PLEKHH3: variants seen among roughly 807,000 people sequenced by gnomAD.
PLEKHH3 encodes the protein pleckstrin homology domain-containing family H member 3.
In PLEKHH3, 57 loss-of-function variants were observed where a neutral mutation model predicts 77.8. The ratio of observed to expected loss-of-function variants is 0.73; its 90% CI spans 0.59 to 0.91. The LOEUF (loss-of-function observed/expected upper bound fraction) is 0.91. Among genes scored for constraint, PLEKHH3 ranks in the 40% least tolerant of loss-of-function variants. The pLI is 0.00. For missense variants in PLEKHH3, 1,082 were observed against 1,091.2 expected, an observed-to-expected ratio of 0.99 and a Z score of 0.12; for synonymous variants, 467 against 504.8, an observed-to-expected ratio of 0.93 and a Z score of 1.00.
In PLEKHH3 at chr17:42,669,954, G is replaced by A. The variant is rs762924915; in HGVS notation, c.1977C>T (p.Phe659=). Residue 659 remains phenylalanine, a synonymous_variant, in exon 11 of 13, where the codon TTC becomes TTT. Coordinates refer to ENST00000591022, the MANE Select transcript of PLEKHH3 (RefSeq NM_024927.5). ...YLALAAQCPG[F]GAARYDVLEL... is the part of the protein sequence containing the mutation. ...CCAGAACGTCATACCGAGCAGCGCC[G>A]AACCCCGGACACTGCGCCGCCAGGG... 15 of 1,613,024 alleles carry A rather than the reference G, an allele frequency of 9.3e-6. No individual in the cohort carries two copies. The highest frequency in any genetic ancestry group is 6.6e-5 in the South Asian group (6 of 91,056).
At chr17:42,672,941 AC>A (rs2052734520) in intron 6 of PLEKHH3, among the ~76,000 whole-genome samples, 1 of 152,148 alleles carries the variant, frequency 6.6e-6, no homozygotes, top group Non-Finnish European at 1.5e-5. Context: ...TCCTGAAGGA[AC>A]ATCAGTAGTC....
chr17:42,673,588 A>G, intron 4 of PLEKHH3, 32 bp from the exon 5 acceptor site: 1 of 1,589,834 alleles, frequency 6.3e-7, no homozygotes. Flanking sequence ...GAGGGCCATT[A>G]GGGTCTGCCG....
chr17:42,676,260 G>T lies in PLEKHH3; in HGVS notation c.162+142C>A. The T allele has an allele frequency of 6.9e-7, 1 of 1,438,950 alleles. No homozygotes were observed. Among genetic ancestry groups the T allele is most frequent in the Non-Finnish European group, 9.2e-7 (1 of 1,090,182 alleles). The allele number at this position is 1,438,950 out of a possible 1,614,324, so 89.1% of individuals were successfully genotyped here. Reference sequence around the variant, plus strand: ...GCTGCTGCTCCGAGAGCTCCCGGGGGCTTTGGCCCCCAGGCAAAAAACTCT... The same window carrying T: ...GCTGCTGCTCCGAGAGCTCCCGGGGTCTTTGGCCCCCAGGCAAAAAACTCT... On this transcript the variant is annotated intron_variant, in intron 1 of 12. Transcript: ENST00000591022. This position sits in a 1 kb window ranked among gnomAD's most constrained non-coding sequence, Gnocchi z 6.6.
At position 42,672,317 on chromosome 17, in the gene PLEKHH3, C is replaced by T. The variant is rs1347510962; in HGVS notation, c.845G>A (p.Arg282His). Reference sequence around the variant, plus strand: ...CACACCCTGCATCAAGGGCCCGGGGCGCCGCGCCCCCTCCAGCGCCTGCAG... The same window carrying T: ...CACACCCTGCATCAAGGGCCCGGGGTGCCGCGCCCCCTCCAGCGCCTGCAG... ...LALQALEGAR[R>H]PGPLMQGVLQ... Residue 282 changes from arginine to histidine, a missense_variant, in exon 7 of 13, where the codon CGC becomes CAC. Around this residue, in one of 3 missense-constraint regions of PLEKHH3, gnomAD observed 733 missense variants for 750.0 expected, o/e 0.98. Coordinates refer to ENST00000591022, the MANE Select transcript of PLEKHH3 (RefSeq NM_024927.5). The T allele has an allele frequency of 6.5e-7, 1 of 1,548,254 alleles. No homozygotes were observed. The highest frequency in any genetic ancestry group is 1.2e-5 in the South Asian group (1 of 83,960).
intron 6 of PLEKHH3, 133 bp downstream of exon 6, chr17:42,673,043 C>T (rs1167467715): frequency 1.6e-6 from 2 of 1,284,480 alleles, no homozygotes; most frequent in Non-Finnish European, 2.0e-6. Context: ...CCAGTTTCAC[C>T]TTCATCCTTC....
In PLEKHH3 at chr17:42,671,402, C is replaced by A. The variant is rs1414941818; in HGVS notation, c.1233G>T (p.Pro411=). 1 of 1,613,136 alleles carries A rather than the reference C, an allele frequency of 6.2e-7. No individual in the cohort carries two copies. Among genetic ancestry groups the A allele is most frequent in the African/African-American group, 1.3e-5 (1 of 75,060 alleles). Residue 411 remains proline, a synonymous_variant, in exon 8 of 13, where the codon CCG becomes CCT. Coordinates refer to ENST00000591022, the MANE Select transcript of PLEKHH3 (RefSeq NM_024927.5). The surrounding 1 kb of genome is among the most constrained non-coding windows in gnomAD (Gnocchi z 4.7). The stretch of plus-strand genomic sequence containing the variant: ...TGGCCACAGCACAGGCACCAGCCCC[C>A]GGACAGTGCACGGTACACAGCAGCT... ...RQELLCTVHC[P]GAGACAVAID... is the part of the protein sequence containing the mutation.
Position 42,674,675 on chromosome 17 carries a change from T to C in PLEKHH3, c.163-266A>G, listed in dbSNP as rs528122817. 1.5e-4 allele frequency: 59 copies of C among 381,602 alleles called. 1 individual carries two copies. Among genetic ancestry groups the C allele is most frequent in the South Asian group, 1.0e-3 (8 of 7,936 alleles). 23.6% of individuals were successfully genotyped at this position (381,602 alleles called of 1,614,324 possible). A position where few individuals can be genotyped will look rare whatever the true frequency, so the allele number is the denominator to read the frequency against. On this transcript the variant is annotated intron_variant, in intron 1 of 12. Transcript: ENST00000591022. ...AAATACAATCAGGGGTAGGGTAGGG[T>C]GGAAAGAGCACTGGGCAGAGAGTCA...
Position 42,671,055 on chromosome 17 carries a change from C to G in PLEKHH3, c.1360G>C (p.Ala454Pro), listed in dbSNP as rs201650387. The part of the protein sequence containing the change: ...NAFALYEQRG[A>P]QERALAGGTL... ...CCCCCAGCCAGGGCTCGCTCCTGGG[C>G]CCCTCGCTGCTCGTACAGCGCGAAT... The change falls in exon 9 of 13, where the codon GCC becomes CCC. Residue 454 changes from alanine to proline, a missense_variant. By Grantham distance (27) the Ala-to-Pro change is conservative (BLOSUM62 -1). Transcript: ENST00000591022. This position sits in a 1 kb window ranked among gnomAD's most constrained non-coding sequence, Gnocchi z 4.7. 3.3e-4 allele frequency: 535 copies of G among 1,610,032 alleles called. 2 individuals are homozygous for G. In the East Asian group the frequency reaches 0.011, roughly 33 times the overall value.
Position 42,669,659 on chromosome 17 carries a change from G to C in PLEKHH3, c.2014-38C>G, listed in dbSNP as rs201787150. ...AGGCAGAGTCAGGGTGGAAGGAGGA[G>C]CCCAGCGTTATTTTTGGTAGGGGGA... On this transcript the variant is annotated intron_variant, in intron 11 of 12. Coordinates refer to ENST00000591022, the MANE Select transcript of PLEKHH3 (RefSeq NM_024927.5). 12 of 1,575,692 alleles carry C rather than the reference G, an allele frequency of 7.6e-6. No individual in the cohort carries two copies. In the African/African-American group the frequency reaches 1.6e-4, roughly 21 times the overall value.
chr17:42,671,218 C>T lies in PLEKHH3; in HGVS notation c.1285-88G>A. On this transcript the variant is annotated intron_variant, in intron 8 of 12. Coordinates refer to ENST00000591022, the MANE Select transcript of PLEKHH3 (RefSeq NM_024927.5). This position sits in a 1 kb window ranked among gnomAD's most constrained non-coding sequence, Gnocchi z 4.7. ...TTCAATTGGAAGGGGTCTCTTAGTC[C>T]TGTCACCACCACTCCCTCCCTTACC... The T allele has an allele frequency of 6.6e-7, 1 of 1,522,340 alleles. No homozygotes were observed. Among genetic ancestry groups the T allele is most frequent in the African/African-American group, 1.4e-5 (1 of 72,550 alleles). The allele number at this position is 1,522,340 out of a possible 1,614,324, so 94.3% of individuals were successfully genotyped here. A position where few individuals can be genotyped will look rare whatever the true frequency, so the allele number is the denominator to read the frequency against.
chr17:42,676,434 G>A lies in PLEKHH3; in HGVS notation c.130C>T (p.Leu44=). 6.2e-7 allele frequency: 1 copy of A among 1,613,482 alleles called. No homozygotes were observed. Among genetic ancestry groups the A allele is most frequent in the African/African-American group, 1.3e-5 (1 of 75,070 alleles). The change falls in exon 1 of 13, where the codon CTG becomes TTG. Residue 44 remains leucine, a synonymous_variant. Transcript: ENST00000591022. This position sits in a 1 kb window ranked among gnomAD's most constrained non-coding sequence, Gnocchi z 6.6. ...DEDEDEETFE[L]RTPSPAGGGR... ...CCGCCCGCTGGACTCGGGGTCCGCA[G>A]CTCAAAGGTTTCCTCGTCCTCGTCC...
chr17:42,673,861 A>C, intron 3 of PLEKHH3, 27 bp from the exon 4 acceptor site: 1 of 1,607,070 alleles, frequency 6.2e-7, no homozygotes, highest in Non-Finnish European at 8.5e-7. Flanking sequence ...GAGGGAAGGG[A>C]CATCAGTAGA....
In PLEKHH3 at chr17:42,669,921, G is replaced by T; in HGVS notation, c.2010C>A (p.Ser670Arg). 2 of 1,613,582 alleles carry T rather than the reference G, an allele frequency of 1.2e-6. No individual in the cohort carries two copies. The highest frequency in any genetic ancestry group is 1.7e-6 in the Non-Finnish European group (2 of 1,179,916). ...GAARYDVLEL[S>R]TEPGRGAPQK... ...CCTTCTCCCTTCTCCCCCTCACCGT[G>T]CTCAGCTCCAGAACGTCATACCGAG... Residue 670 changes from serine (S) to arginine (R), a missense_variant, in exon 11 of 13, where the codon AGC becomes AGA. This residue lies in a region of PLEKHH3 where 733 missense variants were observed against 750.0 expected (regional missense o/e 0.98). Coordinates refer to ENST00000591022, the MANE Select transcript of PLEKHH3 (RefSeq NM_024927.5).
Position 42,669,435 on chromosome 17 carries a change from G to T in PLEKHH3, c.2200C>A (p.Pro734Thr). Residue 734 changes from proline to threonine, a missense_variant, in exon 12 of 13, where the codon CCC becomes ACC. Pro to Thr is a conservative substitution (Grantham distance 38). Around this residue, in one of 3 missense-constraint regions of PLEKHH3, gnomAD observed 733 missense variants for 750.0 expected, o/e 0.98. Coordinates refer to ENST00000591022, the MANE Select transcript of PLEKHH3 (RefSeq NM_024927.5). Reference sequence around the variant, plus strand: ...CAACTCCTCTTCTCACTCACCTGGGGGCTCTGCAGGAGGAGCTGGCTCTCT... The same window carrying T: ...CAACTCCTCTTCTCACTCACCTGGGTGCTCTGCAGGAGGAGCTGGCTCTCT... ...VGESQLLLQS[P>T]QVEEIMQLVN... is the part of the protein sequence containing the mutation. The T allele has an allele frequency of 6.5e-7, 1 of 1,538,102 alleles. No homozygotes were observed. The highest frequency in any genetic ancestry group is 8.8e-7 in the Non-Finnish European group (1 of 1,138,466).
rs370299559 is a variant in PLEKHH3 at position 42,671,046 on chromosome 17, G to A, written c.1369C>T (p.Arg457Ter). ...ALYEQRGAQERALAGGTLVAD... is the reference protein window; with the variant it reads ...ALYEQRGAQE ...ACGAGGGTCCCCCCAGCCAGGGCTC[G>A]CTCCTGGGCCCCTCGCTGCTCGTAC... Residue 457 changes from arginine (R) to a stop codon, truncating the protein, a stop_gained, in exon 9 of 13, where the codon CGA becomes TGA. Coordinates refer to ENST00000591022, the MANE Select transcript of PLEKHH3 (RefSeq NM_024927.5). LOFTEE classifies it high-confidence loss of function. This position sits in a 1 kb window ranked among gnomAD's most constrained non-coding sequence, Gnocchi z 4.7. 5 of 1,610,186 alleles carry A rather than the reference G, an allele frequency of 3.1e-6. No individual in the cohort carries two copies. Among genetic ancestry groups the A allele is most frequent in the Non-Finnish European group, 4.2e-6 (5 of 1,178,854 alleles).
rs868718564 is a variant in PLEKHH3, at chr17:42,670,391, C to T, written c.1555-15G>A. 2.6e-5 allele frequency: 38 copies of T among 1,443,128 alleles called. No individual in the cohort carries two copies. The Middle Eastern group carries it at 8.7e-4, about 33-fold the overall frequency. The allele number at this position is 1,443,128 out of a possible 1,614,324, so 89.4% of individuals were successfully genotyped here. Reference sequence around the variant, plus strand: ...AGAGCGTGAGCCTGCAGGGGAGGCACCCGGCGTCAGTGTACGAGCGGCGGC... The same window carrying T: ...AGAGCGTGAGCCTGCAGGGGAGGCATCCGGCGTCAGTGTACGAGCGGCGGC... On this transcript the variant is annotated splice_polypyrimidine_tract_variant and intron_variant, in intron 10 of 12. Coordinates refer to ENST00000591022, the MANE Select transcript of PLEKHH3 (RefSeq NM_024927.5).
rs1221983424 is a variant in PLEKHH3, at chr17:42,671,148, G to T, written c.1285-18C>A. ...CGAGCCACCTAGAAGAGGAGGGTGA[G>T]GGGAGACCACTCAGAGGTCTTGCCA... On this transcript the variant is annotated intron_variant, in intron 8 of 12. Coordinates refer to ENST00000591022, the MANE Select transcript of PLEKHH3 (RefSeq NM_024927.5). The surrounding 1 kb of genome is among the most constrained non-coding windows in gnomAD (Gnocchi z 4.7). The T allele has an allele frequency of 6.4e-7, 1 of 1,558,772 alleles. No homozygotes were observed. The highest frequency in any genetic ancestry group is 8.7e-7 in the Non-Finnish European group (1 of 1,152,966).
chr17:42,673,310 G>A lies in PLEKHH3; in HGVS notation c.649-14C>T, dbSNP rs2052742557. On this transcript the variant is annotated splice_polypyrimidine_tract_variant and intron_variant, in intron 5 of 12. Coordinates refer to ENST00000591022, the MANE Select transcript of PLEKHH3 (RefSeq NM_024927.5). ...CCCGCAACTTTCCTAGGGGGCCAGG[G>A]AGAGGGTCACCTTGATGGGGAAGGG... 1 of 1,600,912 alleles carries A rather than the reference G, an allele frequency of 6.2e-7. No individual in the cohort carries two copies. The highest frequency in any genetic ancestry group is 8.5e-7 in the Non-Finnish European group (1 of 1,176,238).
In PLEKHH3 at chr17:42,672,146, A is replaced by C; in HGVS notation, c.1016T>G (p.Met339Arg). 6.5e-7 allele frequency: 1 copy of C among 1,543,172 alleles called. No individual in the cohort carries two copies. The highest frequency in any genetic ancestry group is 8.8e-7 in the Non-Finnish European group (1 of 1,141,254). ...ALRYWQLLTCMSCTFRPGGAV... is the reference protein window; with the variant it reads ...ALRYWQLLTCRSCTFRPGGAV... ...TCCCCCAGGTCGGAAGGTGCAGCTC[A>C]TGCAGGTGAGGAGTTGCCAGTACCG... The change falls in exon 7 of 13, where the codon ATG (methionine) becomes AGG (arginine). Residue 339 changes from methionine to arginine, a missense_variant. Physicochemically the swap from Met to Arg is moderately conservative, Grantham distance 91 (BLOSUM62 -1). This residue lies in a region of PLEKHH3 where 733 missense variants were observed against 750.0 expected (regional missense o/e 0.98). Transcript: ENST00000591022.
Sources: allele counts gnomAD v4.1 joint callset (sites outside exome capture counted in the v4.1 genomes callset), GRCh38; gene constraint gnomAD v4.1.1; regional missense constraint gnomAD v4.1.1; non-coding constraint Gnocchi (gnomAD v3.1); transcripts MANE v1.5; gene names NCBI Gene and HGNC (gene_info 2026-07-23, HGNC 2026-07-21).